Variants in ITGA9 observed in about 807,000 individuals in gnomAD.
The protein encoded by ITGA9 is integrin subunit alpha 9, also known as integrin alpha-9.
In ITGA9, 56 loss-of-function variants were observed where a neutral mutation model predicts 127.8. The ratio of observed to expected loss-of-function variants is 0.44; its 90% CI spans 0.35 to 0.55. ITGA9 has a LOEUF of 0.55. Ranked by LOEUF, ITGA9 falls within the 20% of genes least tolerant of loss-of-function variation. The pLI, the probability that ITGA9 is intolerant of heterozygous loss-of-function variation, is 0.00. For synonymous variants in ITGA9, 508 were observed against 514.5 expected, an observed-to-expected ratio of 0.99 and a Z score of 0.17; for missense variants, 1,196 against 1,347.1, an observed-to-expected ratio of 0.89 and a Z score of 1.76.
intron 21 of ITGA9, 80 bp from the exon 22 acceptor site, chr3:37,743,846 T>C: frequency 1.0e-6 from 1 of 960,544 alleles, no homozygotes; most frequent in South Asian, 1.3e-5. Context: ...TTGAGACAAA[T>C]GTTTGCTTCT....
chr3:37,551,731 C>T (rs1482538966), intron 15 of ITGA9, among the ~76,000 whole-genome samples: 2 of 152,180 alleles, frequency 1.3e-5, no homozygotes, highest in Non-Finnish European at 2.9e-5. Flanking sequence ...GTAGCTGGTC[C>T]CTCAGTCTAC....
intron 15 of ITGA9, among the ~76,000 whole-genome samples, chr3:37,577,094 G>A (rs1246205529): frequency 6.6e-6 from 1 of 152,224 alleles, no homozygotes; most frequent in Non-Finnish European, 1.5e-5. Flanking sequence ...ATGTGGCACA[G>A]GTGGTCAGTG....
At chr3:37,610,676 A>G (rs1047660875) in intron 15 of ITGA9, among the ~76,000 whole-genome samples, 5 of 152,244 alleles carry the variant, frequency 3.3e-5, no homozygotes, top group Admixed American at 6.5e-5. Context: ...TGATCAATCA[A>G]TGTTAGCTGA....
intron 23 of ITGA9, among the ~76,000 whole-genome samples, chr3:37,773,388 AAGAC>A (rs1340116324): frequency 2.0e-5 from 3 of 152,226 alleles, no homozygotes; most frequent in Admixed American, 6.5e-5. Flanking sequence ...TCCACTCCAG[AAGAC>A]AGACAGGGAA....
At chr3:37,782,998 G>A (rs9681553) in intron 25 of ITGA9, among the ~76,000 whole-genome samples, 6 of 152,118 alleles carry the variant, frequency 3.9e-5, no homozygotes, top group African/African-American at 1.4e-4. Flanking sequence ...AATTAGCCTG[G>A]CATGGTGGTG....
intron 23 of ITGA9, among the ~76,000 whole-genome samples, chr3:37,774,634 G>A (rs1696884501): frequency 6.6e-6 from 1 of 152,036 alleles, no homozygotes; most frequent in Non-Finnish European, 1.5e-5. Flanking sequence ...GGCTGAGGAA[G>A]GAGGATCACC....
At chr3:37,644,969 C>T (rs1475371604) in intron 16 of ITGA9, among the ~76,000 whole-genome samples, 2 of 152,190 alleles carry the variant, frequency 1.3e-5, no homozygotes, top group Non-Finnish European at 2.9e-5. Context: ...GCTGAAATTC[C>T]TGCACTCTTA....
At chr3:37,743,380 G>A (rs1696461090) in intron 21 of ITGA9, among the ~76,000 whole-genome samples, 1 of 152,162 alleles carries the variant, frequency 6.6e-6, no homozygotes, top group Non-Finnish European at 1.5e-5. Context: ...AACTGAGCTT[G>A]AATTCTTCTC....
intron 15 of ITGA9, among the ~76,000 whole-genome samples, chr3:37,573,829 G>A (rs1460080823): frequency 6.6e-6 from 1 of 152,162 alleles, no homozygotes; most frequent in African/African-American, 2.4e-5. Flanking sequence ...CACAGTGGCA[G>A]CAGTGGACAA....
intron 26 of ITGA9, chr3:37,790,428 A>C (rs74493462): frequency 0.02 from 8,941 of 441,636 alleles, 129 homozygotes; most frequent in Non-Finnish European, 0.029. Flanking sequence ...TGATCCTGCG[A>C]GTCACTGCAG....
chr3:37,500,647 CTT>C (rs1374271455), intron 5 of ITGA9, among the ~76,000 whole-genome samples: 2 of 152,210 alleles, frequency 1.3e-5, no homozygotes, highest in African/African-American at 4.8e-5. Context: ...TCAGTGGTGA[CTT>C]TATGAATTGT....
chr3:37,649,989 T>C (rs1700414727), intron 16 of ITGA9, among the ~76,000 whole-genome samples: 1 of 152,242 alleles, frequency 6.6e-6, no homozygotes, highest in South Asian at 2.1e-4. Context: ...CTCTGTTCCA[T>C]ATAATGTCTA....
intron 14 of ITGA9, among the ~76,000 whole-genome samples, chr3:37,542,124 C>A (rs953480852): frequency 2.0e-5 from 3 of 152,112 alleles, no homozygotes; most frequent in African/African-American, 7.2e-5. Flanking sequence ...TGTTAATGGG[C>A]ATATTGCTGG....
intron 23 of ITGA9, among the ~76,000 whole-genome samples, chr3:37,760,531 G>A (rs1696711578): frequency 6.6e-6 from 1 of 152,016 alleles, no homozygotes; most frequent in African/African-American, 2.4e-5. Flanking sequence ...AGAGAAAAGA[G>A]GGCAGAAAAA....
At chr3:37,499,247 G>T (rs539432383) in intron 5 of ITGA9, among the ~76,000 whole-genome samples, 1 of 152,244 alleles carries the variant, frequency 6.6e-6, no homozygotes, top group Non-Finnish European at 1.5e-5. Context: ...GTTCACGCCT[G>T]CTGTAGAAGC....
Position 37,683,846 on chromosome 3 carries a change from T to A in ITGA9, c.1917-19T>A, listed in dbSNP as rs756515484. 14 of 1,613,500 alleles carry A rather than the reference T, an allele frequency of 8.7e-6. No individual in the cohort carries two copies. The highest frequency in any genetic ancestry group is 1.2e-5 in the Non-Finnish European group (14 of 1,179,802). On this transcript the variant is annotated intron_variant, in intron 17 of 27. Coordinates refer to ENST00000264741, the MANE Select transcript of ITGA9 (RefSeq NM_002207.3). ...GTGTAGGCCTCAGGGCATTCATTGC[T>A]GTCTATTTTTCGTTACAGTATGGAT...
At chr3:37,638,415 G>A (rs1248149702) in intron 16 of ITGA9, among the ~76,000 whole-genome samples, 1 of 148,262 alleles carries the variant, frequency 6.7e-6, no homozygotes, top group African/African-American at 2.5e-5. Context: ...TTCTGGGAGA[G>A]CAGTTCTTTC....
chr3:37,465,936 A>G (rs1465276181), intron 1 of ITGA9, among the ~76,000 whole-genome samples: 1 of 152,018 alleles, frequency 6.6e-6, no homozygotes, highest in Non-Finnish European at 1.5e-5. Flanking sequence ...GGCACGGGTG[A>G]TGTATTTGAC....
chr3:37,684,750 T>C (rs1015655426), intron 18 of ITGA9, among the ~76,000 whole-genome samples: 4 of 152,216 alleles, frequency 2.6e-5, no homozygotes, highest in African/African-American at 7.2e-5. Flanking sequence ...ATTACAGGTG[T>C]GACCCACCGC....
Sources: gnomAD v4.1 joint callset for allele counts (sites outside exome capture counted in the v4.1 genomes callset) on GRCh38, gnomAD v4.1.1 for gene constraint, MANE v1.5 for transcripts, NCBI Gene and HGNC (gene_info 2026-07-23, HGNC 2026-07-21) for gene names.